The following RHOBTB1 variants were observed in gnomAD, a reference collection of about 807,000 sequenced individuals.
RHOBTB1 encodes Rho related BTB domain containing 1.
Under a neutral mutation model 71.6 loss-of-function variants are expected in RHOBTB1, and 40 were observed. The observed-to-expected ratio is 0.56, with a 90% confidence interval of 0.43 to 0.73. RHOBTB1 has a LOEUF of 0.73. Among genes scored for constraint, RHOBTB1 ranks in the 30% least tolerant of loss-of-function variants. The pLI, the probability that RHOBTB1 is intolerant of heterozygous loss-of-function variation, is 0.00. For missense variants in RHOBTB1, 797 were observed against 894.0 expected, an observed-to-expected ratio of 0.89 and a Z score of 1.38; for synonymous variants, 319 against 334.9, an observed-to-expected ratio of 0.95 and a Z score of 0.52.
intron 2 of RHOBTB1, among the ~76,000 whole-genome samples, chr10:60,935,536 T>C (rs1413748634): frequency 6.6e-6 from 1 of 152,176 alleles, no homozygotes; most frequent in Non-Finnish European, 1.5e-5. Context: ...AACTGTGGGC[T>C]CTAAGTTCTT....
chr10:60,929,217 C>T (rs1350374761), intron 2 of RHOBTB1, among the ~76,000 whole-genome samples: 1 of 152,016 alleles, frequency 6.6e-6, no homozygotes, highest in East Asian at 1.9e-4. Context: ...CACCCAATTA[C>T]CATGATTTGA....
chr10:60,938,068 T>G (rs1278000656), intron 2 of RHOBTB1, among the ~76,000 whole-genome samples: 1 of 152,214 alleles, frequency 6.6e-6, no homozygotes, highest in Admixed American at 6.5e-5. Context: ...ACAGATCACT[T>G]AAGAAAGACA....
chr10:60,892,310 T>C (rs756479020), intron 5 of RHOBTB1, among the ~76,000 whole-genome samples: 6 of 152,170 alleles, frequency 3.9e-5, no homozygotes, highest in Non-Finnish European at 5.9e-5. Flanking sequence ...GTCCGAATGA[T>C]TTTCAAAAAG....
intron 3 of RHOBTB1, 42 bp downstream of exon 3, chr10:60,911,309 T>A: frequency 6.5e-7 from 1 of 1,549,384 alleles, no homozygotes. Context: ...CAACCAGCAA[T>A]GATGTGCCCT....
intron 1 of RHOBTB1, among the ~76,000 whole-genome samples, chr10:60,988,967 C>T (rs1478017246): frequency 6.6e-6 from 1 of 152,214 alleles, no homozygotes. Flanking sequence ...AGTTTACAGT[C>T]TAGCTAGGGA....
Position 60,877,933 on chromosome 10 carries a change from G to A in RHOBTB1, c.1701C>T (p.Cys567=), listed in dbSNP as rs926200118. The change falls in exon 8 of 11, where the codon TGC becomes TGT. Residue 567 remains cysteine, a synonymous_variant. Coordinates refer to ENST00000337910, the MANE Select transcript of RHOBTB1 (RefSeq NM_014836.5). ...CTGCAAGTGCAACCAAGTGTGGCAG[G>A]CAAAATCTGTTTGCCAAGGCAATTA... is the stretch of plus-strand genomic sequence containing the variant. The part of the protein sequence containing the change: ...LELIALANRF[C]LPHLVALAEQ... The A allele has an allele frequency of 1.9e-6, 3 of 1,613,930 alleles. No homozygotes were observed. The highest frequency in any genetic ancestry group is 1.7e-5 in the Admixed American group (1 of 59,990).
chr10:60,902,271 A>G (rs890283731), intron 4 of RHOBTB1, among the ~76,000 whole-genome samples: 2 of 152,132 alleles, frequency 1.3e-5, no homozygotes, highest in African/African-American at 4.8e-5. Context: ...AGAATCCCTA[A>G]ACTTCCATCA....
chr10:60,999,974 C>T (rs971163630), intron 1 of RHOBTB1, among the ~76,000 whole-genome samples: 3 of 152,160 alleles, frequency 2.0e-5, no homozygotes, highest in Non-Finnish European at 4.4e-5. Context: ...CGTTATTTTG[C>T]TCCAAACTCA....
intron 5 of RHOBTB1, among the ~76,000 whole-genome samples, chr10:60,891,282 A>T (rs987268933): frequency 3.3e-5 from 5 of 151,308 alleles, no homozygotes; most frequent in Non-Finnish European, 5.9e-5. Context: ...TTTTGTAATA[A>T]GCCTATTAGG....
At chr10:60,939,285 A>T (rs909199001) in intron 2 of RHOBTB1, among the ~76,000 whole-genome samples, 3 of 152,134 alleles carry the variant, frequency 2.0e-5, no homozygotes, top group African/African-American at 7.2e-5. Flanking sequence ...CACATCCATC[A>T]TTTTTGGCGT....
At chr10:60,995,034 T>C (rs2087000347) in intron 1 of RHOBTB1, among the ~76,000 whole-genome samples, 1 of 151,750 alleles carries the variant, frequency 6.6e-6, no homozygotes. Context: ...TGGAAAATGG[T>C]TTAAACAACC....
chr10:60,886,722 G>GA (rs1175542695), intron 6 of RHOBTB1, among the ~76,000 whole-genome samples: 3 of 138,382 alleles, frequency 2.2e-5, no homozygotes, highest in African/African-American at 8.5e-5. Context: ...AGATGTGGGG[G>GA]GGGGTGGGTC....
chr10:60,915,753 C>T (rs949083428), intron 2 of RHOBTB1, among the ~76,000 whole-genome samples: 2 of 152,162 alleles, frequency 1.3e-5, no homozygotes, highest in Admixed American at 6.5e-5. Context: ...CTGGTCTGAT[C>T]ATCCTATACC....
chr10:60,911,334 C>A lies in RHOBTB1; in HGVS notation c.192+17G>T. The A allele has an allele frequency of 6.3e-7, 1 of 1,597,690 alleles. No homozygotes were observed. Among genetic ancestry groups the A allele is most frequent in the Non-Finnish European group, 8.6e-7 (1 of 1,166,832 alleles). ...TGATGTGCCCTAGGGATGCTGAAGA[C>A]ACTCTGTGCATCTTACCTCCTGGCA... On this transcript the variant is annotated intron_variant, in intron 3 of 10. Coordinates refer to ENST00000337910, the MANE Select transcript of RHOBTB1 (RefSeq NM_014836.5).
At chr10:60,937,448 G>A (rs1490013029) in intron 2 of RHOBTB1, among the ~76,000 whole-genome samples, 1 of 152,074 alleles carries the variant, frequency 6.6e-6, no homozygotes, top group East Asian at 1.9e-4. Context: ...TTTTCTACTG[G>A]CAATAATATT....
chr10:60,863,123 T>C, the RHOBTB1 span, among the ~76,000 whole-genome samples: 1 of 152,128 alleles, frequency 6.6e-6, no homozygotes, highest in South Asian at 2.1e-4. Flanking sequence ...ATCCTGGCCT[T>C]TTTTAGAAAG....
chr10:60,928,399 C>A (rs906183822), intron 2 of RHOBTB1, among the ~76,000 whole-genome samples: 1 of 151,786 alleles, frequency 6.6e-6, no homozygotes, highest in Non-Finnish European at 1.5e-5. Flanking sequence ...GCACTACTTA[C>A]AATAACCAAG....
At chr10:60,898,116 C>G (rs2132971448) in intron 4 of RHOBTB1, among the ~76,000 whole-genome samples, 1 of 152,220 alleles carries the variant, frequency 6.6e-6, no homozygotes, top group South Asian at 2.1e-4. Flanking sequence ...TCATCATTGA[C>G]TATTATTACT....
At position 60,888,233 on chromosome 10, in the gene RHOBTB1, G is replaced by C; in HGVS notation, c.1435C>G (p.Leu479Val). 1 of 1,613,652 alleles carries C rather than the reference G, an allele frequency of 6.2e-7. No individual in the cohort carries two copies. Among genetic ancestry groups the C allele is most frequent in the Non-Finnish European group, 8.5e-7 (1 of 1,179,688 alleles). ...TCACCCGAGAACGTTCCCTTGCTGA[G>C]ACACTCTTTTATCCGATTGGCTTTC... is the stretch of plus-strand genomic sequence containing the variant. Reference protein sequence around the residue: ...VRKANRIKECLSKGTFSDVTF... With the variant: ...VRKANRIKECVSKGTFSDVTF... Residue 479 changes from leucine (L) to valine (V), a missense_variant, in exon 6 of 11, where the codon CTC (leucine) becomes GTC (valine). Leu to Val is a conservative substitution (Grantham distance 32, BLOSUM62 1). This residue lies in a region of RHOBTB1 where 658 missense variants were observed against 681.5 expected (regional missense o/e 0.97). Transcript: ENST00000337910.
Sources: gnomAD v4.1 joint callset for allele counts (sites outside exome capture counted in the v4.1 genomes callset) on GRCh38, gnomAD v4.1.1 for gene constraint, gnomAD v4.1.1 regional missense constraint, MANE v1.5 for transcripts, NCBI Gene and HGNC (gene_info 2026-07-23, HGNC 2026-07-21) for gene names.